Variants in GRIN2A observed in about 807,000 individuals in gnomAD.
GRIN2A encodes glutamate ionotropic receptor NMDA type subunit 2A, also known as glutamate receptor ionotropic, NMDA 2A.
In GRIN2A, 22 loss-of-function variants were observed where a neutral mutation model predicts 113.4. The ratio of observed to expected loss-of-function variants is 0.19; its 90% CI spans 0.14 to 0.28. The LOEUF is 0.28. GRIN2A is among the 10% of genes least tolerant of loss of function. The pLI is 1.00. For missense variants in GRIN2A, 1,502 were observed against 1,887.0 expected (o/e 0.80, Z 3.78); for synonymous variants, 827 against 738.4 (o/e 1.12, Z -1.94).
chr16:10,093,670 G>C (rs1474657668), intron 2 of GRIN2A, among the ~76,000 whole-genome samples: 1 of 152,036 alleles, frequency 6.6e-6, no homozygotes, highest in Admixed American at 6.5e-5. Context: ...TGCACAACTG[G>C]CCCAATTCTT....
chr16:9,847,342 AG>A (rs199702137), intron 5 of GRIN2A, among the ~76,000 whole-genome samples: 1,555 of 152,246 alleles, frequency 0.01, 20 homozygotes, highest in African/African-American at 0.035. Context: ...GGATCACTTA[AG>A]GCCAGGAGCT....
chr16:9,941,577 C>T (rs993500853), intron 2 of GRIN2A, among the ~76,000 whole-genome samples: 3 of 152,180 alleles, frequency 2.0e-5, no homozygotes, highest in African/African-American at 4.8e-5. Context: ...CTATGCTGAT[C>T]CCCATTCGCA....
intron 2 of GRIN2A, among the ~76,000 whole-genome samples, chr16:9,984,782 A>C (rs2045950775): frequency 6.6e-6 from 1 of 152,198 alleles, no homozygotes; most frequent in African/African-American, 2.4e-5. Context: ...TCATTTTAGA[A>C]TTCATGGGGG....
At chr16:9,969,360 C>A (rs141586903) in intron 2 of GRIN2A, among the ~76,000 whole-genome samples, 1 of 152,188 alleles carries the variant, frequency 6.6e-6, no homozygotes, top group Non-Finnish European at 1.5e-5. Context: ...TGCACACTTT[C>A]TTCACTCGCC....
intron 2 of GRIN2A, among the ~76,000 whole-genome samples, chr16:10,168,975 CAATAATAATAATAAT>C (rs59963663): frequency 3.5e-3 from 502 of 141,540 alleles, no homozygotes; most frequent in African/African-American, 3.8e-3. Context: ...CAAATAATAA[CAATAATAATAATAAT>C]AATAATAATA....
chr16:9,807,987 C>T (rs1314615153), intron 10 of GRIN2A, among the ~76,000 whole-genome samples: 1 of 152,216 alleles, frequency 6.6e-6, no homozygotes, highest in African/African-American at 2.4e-5. Context: ...ACAACTCATG[C>T]TCTGACATAG....
At chr16:10,093,713 G>C (rs2048229989) in intron 2 of GRIN2A, among the ~76,000 whole-genome samples, 1 of 152,156 alleles carries the variant, frequency 6.6e-6, no homozygotes, top group South Asian at 2.1e-4. Context: ...ACTGTCACGT[G>C]ATTCTGTGGT....
chr16:10,175,091 G>A (rs1367865456), intron 2 of GRIN2A, among the ~76,000 whole-genome samples: 1 of 152,218 alleles, frequency 6.6e-6, no homozygotes, highest in East Asian at 1.9e-4. Flanking sequence ...AGTAGAGTAT[G>A]CTGTAGAGGC....
intron 10 of GRIN2A, among the ~76,000 whole-genome samples, chr16:9,811,285 G>C (rs1044875064): frequency 6.6e-6 from 1 of 152,122 alleles, no homozygotes; most frequent in African/African-American, 2.4e-5. Context: ...AAAGATGTTG[G>C]GTCTTCAACT....
rs16966446 is a variant in GRIN2A at position 9,830,595 on chromosome 16, C to G, written c.1778-943G>C. Among the ~76,000 whole-genome samples, 329 of 151,646 alleles carry G rather than the reference C, an allele frequency of 2.2e-3. 3 individuals are homozygous for G. Among genetic ancestry groups the G allele is most frequent in the African/African-American group, 7.7e-3 (319 of 41,300 alleles). ...GTAAATGAAGATATGAAAAAATGAT[C>G]TACTCAGATGTCACCTGCCAATATA... On this transcript the variant is annotated intron_variant, in intron 8 of 12. Coordinates refer to ENST00000330684, the MANE Select transcript of GRIN2A (RefSeq NM_001134407.3).
intron 2 of GRIN2A, among the ~76,000 whole-genome samples, chr16:10,160,549 A>C (rs140625672): frequency 7.2e-5 from 11 of 152,316 alleles, no homozygotes; most frequent in Admixed American, 2.0e-4. Context: ...TGCATCTCTC[A>C]TGTCATCTCT....
intron 2 of GRIN2A, among the ~76,000 whole-genome samples, chr16:10,099,215 A>G (rs765437573): frequency 6.6e-6 from 1 of 151,916 alleles, no homozygotes; most frequent in Non-Finnish European, 1.5e-5. Context: ...ATGAAAATCA[A>G]CTCCCTATTT....
intron 2 of GRIN2A, among the ~76,000 whole-genome samples, chr16:10,028,196 G>A (rs1343344152): frequency 1.3e-5 from 2 of 152,320 alleles, no homozygotes; most frequent in East Asian, 3.9e-4. Flanking sequence ...AACTGTGATT[G>A]TGCCCATTTC....
At chr16:10,031,127 C>T (rs1330263433) in intron 2 of GRIN2A, among the ~76,000 whole-genome samples, 2 of 152,196 alleles carry the variant, frequency 1.3e-5, no homozygotes, top group African/African-American at 2.4e-5. Flanking sequence ...CCAGATCTGG[C>T]TTCCAATGGC....
intron 2 of GRIN2A, among the ~76,000 whole-genome samples, chr16:10,136,401 T>C (rs1035808790): frequency 6.6e-6 from 1 of 152,208 alleles, no homozygotes; most frequent in East Asian, 1.9e-4. Flanking sequence ...TAGGTGCTAA[T>C]GAAACCAGGT....
At chr16:9,873,382 A>T (rs1018244589) in intron 4 of GRIN2A, among the ~76,000 whole-genome samples, 5 of 152,208 alleles carry the variant, frequency 3.3e-5, no homozygotes, top group African/African-American at 4.8e-5. Flanking sequence ...TGCTGTATTG[A>T]TTCAAGTCAC....
chr16:9,990,551 GCGCGCGCGCGCGCACACA>G, intron 2 of GRIN2A, among the ~76,000 whole-genome samples: 1 of 98,966 alleles, frequency 1.0e-5, no homozygotes, highest in Non-Finnish European at 2.3e-5. Flanking sequence ...CTACACGCGC[GCGCGCGCGCGCGCACACA>G]CACACACACA....
chr16:10,095,866 C>A (rs2048280253), intron 2 of GRIN2A, among the ~76,000 whole-genome samples: 3 of 151,836 alleles, frequency 2.0e-5, no homozygotes, highest in South Asian at 4.2e-4. Context: ...CAGTGATATT[C>A]CTACAAAAAA....
At chr16:10,014,831 T>C (rs189799828) in intron 2 of GRIN2A, among the ~76,000 whole-genome samples, 1 of 152,184 alleles carries the variant, frequency 6.6e-6, no homozygotes, top group Non-Finnish European at 1.5e-5. Flanking sequence ...ATATGGACTT[T>C]ATCAACAAGT....
Sources: gnomAD v4.1 joint callset for allele counts (sites outside exome capture counted in the v4.1 genomes callset) on GRCh38, gnomAD v4.1.1 for gene constraint, MANE v1.5 for transcripts, NCBI Gene and HGNC (gene_info 2026-07-23, HGNC 2026-07-21) for gene names.